The following COMMD7 variants were observed in gnomAD, a reference collection of about 807,000 sequenced individuals.
COMMD7 encodes COMM domain containing 7.
A neutral mutation model predicts 34.8 loss-of-function variants in COMMD7; 28 were observed. The ratio of observed to expected loss-of-function variants is 0.80; its 90% CI spans 0.60 to 1.10. The LOEUF is 1.10. Among genes scored for constraint, COMMD7 ranks in the 50% least tolerant of loss-of-function variants. The probability of loss-of-function intolerance (pLI) is 0.00; values close to 1 mark genes in which losing one functional copy is unlikely to be tolerated. For synonymous variants in COMMD7, 80 were observed against 86.4 expected, an observed-to-expected ratio of 0.93 and a Z score of 0.41; for missense variants, 211 against 241.6, an observed-to-expected ratio of 0.87 and a Z score of 0.84.
Position 32,703,311 on chromosome 20 carries a change from C to T in COMMD7, c.*71G>A. 3 of 1,384,780 alleles carry T rather than the reference C, an allele frequency of 2.2e-6. No homozygotes were observed. The highest frequency in any genetic ancestry group is 3.0e-6 in the Non-Finnish European group (3 of 988,694). The allele number at this position is 1,384,780 out of a possible 1,614,324, so 85.8% of individuals were successfully genotyped here. On this transcript the variant is annotated 3_prime_UTR_variant, in exon 9 of 9. Coordinates refer to ENST00000278980, the MANE Select transcript of COMMD7 (RefSeq NM_053041.3). ...ATCCCACAGGCCTGTGAGTGAAGTG[C>T]CTCTCAGAGCAGTCACCCAGGGAAG...
chr20:32,732,050 G>T (rs1985868492), intron 1 of COMMD7, among the ~76,000 whole-genome samples: 1 of 152,182 alleles, frequency 6.6e-6, no homozygotes, highest in Non-Finnish European at 1.5e-5. Context: ...ATACACTGGG[G>T]TGACCTTTCT....
chr20:32,743,234 A>T, intron 1 of COMMD7, 74 bp downstream of exon 1: 1 of 445,052 alleles, frequency 2.2e-6, no homozygotes, highest in Non-Finnish European at 4.1e-6. Context: ...GCACCCCCGG[A>T]CGTCCCCCCC....
At chr20:32,741,950 G>A (rs1374404338) in intron 1 of COMMD7, among the ~76,000 whole-genome samples, 3 of 152,170 alleles carry the variant, frequency 2.0e-5, no homozygotes, top group Non-Finnish European at 2.9e-5. Flanking sequence ...CACTCTGGGA[G>A]GCTGAGGTGG....
chr20:32,713,156 C>A (rs1984574108), intron 3 of COMMD7, among the ~76,000 whole-genome samples: 1 of 151,522 alleles, frequency 6.6e-6, no homozygotes, highest in African/African-American at 2.4e-5. Flanking sequence ...GCAAGAGATT[C>A]TCCTGTCTCA....
chr20:32,704,298 A>C (rs941028822), intron 7 of COMMD7, 142 bp downstream of exon 7: 61 of 821,976 alleles, frequency 7.4e-5, no homozygotes, highest in Non-Finnish European at 1.1e-4. Context: ...TAGTGACTAC[A>C]TCTTTAGCTG....
chr20:32,731,353 A>G (rs949222725), intron 1 of COMMD7, among the ~76,000 whole-genome samples: 3 of 151,966 alleles, frequency 2.0e-5, no homozygotes, highest in Non-Finnish European at 4.4e-5. Context: ...TAAATTAGTC[A>G]AGCATGGTGG....
Position 32,723,084 on chromosome 20 carries a change from CTCTCCCTCTCCCTCTCCG to C in COMMD7, c.241+4791_241+4808del, listed in dbSNP as rs1394109464. Among the ~76,000 whole-genome samples the C allele has an allele frequency of 8.0e-5, 3 of 37,434 alleles. 1 individual carries two copies. The highest frequency in any genetic ancestry group is 1.9e-3 in the South Asian group (2 of 1,052). The allele number at this position is 37,434 out of a possible 152,430, so 24.6% of individuals were successfully genotyped here. ...ATAATAAAGACTTGTGATCCTCTCC[CTCTCCCTCTCCCTCTCCG>C]TCTCCCTCTCCCTCTCCCTCTCCCT... On this transcript the variant is annotated intron_variant, in intron 3 of 8. Transcript: ENST00000278980.
chr20:32,703,535 G>C (rs1983872266), intron 8 of COMMD7, 77 bp from the exon 9 acceptor site: 1 of 1,552,742 alleles, frequency 6.4e-7, no homozygotes, highest in Non-Finnish European at 8.7e-7. Context: ...TTTCCACCCG[G>C]AGGATTTTTT....
chr20:32,717,467 A>C (rs1023993598), intron 3 of COMMD7, among the ~76,000 whole-genome samples: 2 of 152,116 alleles, frequency 1.3e-5, no homozygotes, highest in Non-Finnish European at 1.5e-5. Context: ...CTGGGATTAC[A>C]GGCATGTGCC....
At position 32,731,400 on chromosome 20, in the gene COMMD7, G is replaced by A. The variant is rs137992703; in HGVS notation, c.85-3258C>T. Among the ~76,000 whole-genome samples, 815 of 152,286 alleles carry A rather than the reference G, an allele frequency of 5.4e-3. 8 individuals carry two copies. The highest frequency in any genetic ancestry group is 0.019 in the African/African-American group (780 of 41,570). On this transcript the variant is annotated intron_variant, in intron 1 of 8. Transcript: ENST00000278980. ...AGTTCTAGCTACTCTGGAGGCTGAG[G>A]TGGAAGGATTGCTTGAGCCCAGGAG...
rs574692015 is a variant in COMMD7 at position 32,715,466 on chromosome 20, C to T, written c.242-8706G>A. Among the ~76,000 whole-genome samples the T allele has an allele frequency of 5.5e-5, 8 of 146,516 alleles. No individual in the cohort carries two copies. In the South Asian group the frequency reaches 1.8e-3, roughly 33 times the overall value. On this transcript the variant is annotated intron_variant, in intron 3 of 8. Transcript: ENST00000278980. ...CCACTGCACTCCAGCCTGGGCAACA[C>T]AGCCGGACCCAGTCTCAAAAAAACA...
intron 5 of COMMD7, among the ~76,000 whole-genome samples, chr20:32,706,210 A>AAAAG (rs929954458): frequency 1.1e-4 from 16 of 151,716 alleles, no homozygotes; most frequent in South Asian, 2.1e-4. Context: ...AAAAAAAAAA[A>AAAAG]AAAGAAAGAA....
At chr20:32,725,977 C>T (rs980410766) in intron 3 of COMMD7, among the ~76,000 whole-genome samples, 4 of 146,578 alleles carry the variant, frequency 2.7e-5, no homozygotes, top group Admixed American at 7.0e-5. Flanking sequence ...ACGGGAGGAT[C>T]ACTTAAGCCC....
At chr20:32,709,188 C>T (rs1568773884) in intron 3 of COMMD7, among the ~76,000 whole-genome samples, 1 of 151,858 alleles carries the variant, frequency 6.6e-6, no homozygotes, top group Non-Finnish European at 1.5e-5. Context: ...GTAATGCCAG[C>T]ACTTTGGGAG....
intron 3 of COMMD7, among the ~76,000 whole-genome samples, chr20:32,711,312 G>T (rs1302158728): frequency 1.3e-5 from 2 of 150,346 alleles, no homozygotes; most frequent in Non-Finnish European, 2.9e-5. Context: ...TAGGAGAATC[G>T]CTTAAACCTG....
At chr20:32,710,728 C>CAAAAAAA (rs34067876) in intron 3 of COMMD7, among the ~76,000 whole-genome samples, 1 of 94,600 alleles carries the variant, frequency 1.1e-5, no homozygotes. Flanking sequence ...GACCTCATCT[C>CAAAAAAA]AAAAAAAAAA....
At chr20:32,738,606 G>A (rs1462581420) in intron 1 of COMMD7, among the ~76,000 whole-genome samples, 2 of 152,134 alleles carry the variant, frequency 1.3e-5, no homozygotes, top group Non-Finnish European at 2.9e-5. Context: ...TGTTTTCCTA[G>A]AGATGGGGTC....
At chr20:32,732,962 C>T (rs556604656) in intron 1 of COMMD7, among the ~76,000 whole-genome samples, 8 of 150,674 alleles carry the variant, frequency 5.3e-5, no homozygotes, top group South Asian at 4.2e-4. Context: ...GAAGGTCGGA[C>T]GCGGTGGCTC....
chr20:32,712,318 A>G (rs1169305142), intron 3 of COMMD7, among the ~76,000 whole-genome samples: 2 of 147,164 alleles, frequency 1.4e-5, no homozygotes, highest in African/African-American at 2.5e-5. Context: ...ACCATCCTGG[A>G]CAATGTAGTG....
Sources: gnomAD v4.1 joint callset for allele counts (sites outside exome capture counted in the v4.1 genomes callset) on GRCh38, gnomAD v4.1.1 for gene constraint, MANE v1.5 for transcripts, NCBI Gene and HGNC (gene_info 2026-07-23, HGNC 2026-07-21) for gene names.